BICD2: variants seen among roughly 807,000 people sequenced by gnomAD.
The protein encoded by BICD2 is BICD cargo adaptor 2, also known as protein bicaudal D homolog 2.
Under a neutral mutation model 72.9 loss-of-function variants are expected in BICD2, and 25 were observed. The ratio of observed to expected loss-of-function variants is 0.34; its 90% CI spans 0.25 to 0.48. The LOEUF (loss-of-function observed/expected upper bound fraction) is 0.48, where lower values mean the gene tolerates loss of function less well. Among genes scored for constraint, BICD2 ranks in the 20% least tolerant of loss-of-function variants. The probability of loss-of-function intolerance (pLI) is 0.99; values close to 1 mark genes in which losing one functional copy is unlikely to be tolerated. For missense variants in BICD2, 894 were observed against 1,175.2 expected, an observed-to-expected ratio of 0.76 and a Z score of 3.50; for synonymous variants, 501 against 516.1, an observed-to-expected ratio of 0.97 and a Z score of 0.40.
chr9:92,749,918 C>T (rs963579051), intron 1 of BICD2, among the ~76,000 whole-genome samples: 2 of 152,348 alleles, frequency 1.3e-5, no homozygotes, highest in Non-Finnish European at 2.9e-5. Flanking sequence ...CTGTTCCAAA[C>T]GAGGGGAGGA....
rs779298360 is a variant in BICD2, at chr9:92,729,067, G to A, written c.410C>T (p.Ser137Leu). The change falls in exon 2 of 7, where the codon TCG (serine) becomes TTG (leucine). Residue 137 changes from serine to leucine, a missense_variant. By Grantham distance (145) the Ser-to-Leu change is moderately radical. This residue lies in a region of BICD2 where 192 missense variants were observed against 243.6 expected (regional missense o/e 0.79). Coordinates refer to ENST00000356884, the MANE Select transcript of BICD2 (RefSeq NM_001003800.2). ...QLRNVLTNTQ[S>L]ENERLASVAQ... ...CACAGAGGCCAGGCGCTCATTCTCC[G>A]ACTGCGTGTTGGTGAGGACATTGCG... 8.1e-6 allele frequency: 13 copies of A among 1,614,054 alleles called. No homozygotes were observed. Among genetic ancestry groups the A allele is most frequent in the South Asian group, 3.3e-5 (3 of 91,078 alleles).
In BICD2 at chr9:92,751,363, C is replaced by T. The variant is rs545887208; in HGVS notation, c.240+13142G>A. Among the ~76,000 whole-genome samples, 7 of 152,252 alleles carry T rather than the reference C, an allele frequency of 4.6e-5. No homozygotes were observed. The South Asian group carries it at 1.5e-3, about 32-fold the overall frequency. On this transcript the variant is annotated intron_variant, in intron 1 of 6. Transcript: ENST00000356884. ...ACGGGTTTTCGTCATGTTGGCCAGG[C>T]TGGCTCCTGACCTCAGGTGATCTAT...
intron 1 of BICD2, among the ~76,000 whole-genome samples, chr9:92,759,594 T>C (rs1028546823): frequency 6.6e-6 from 1 of 152,170 alleles, no homozygotes; most frequent in Non-Finnish European, 1.5e-5. Context: ...AGGAGGCAGC[T>C]AGGCAGCCAC....
chr9:92,729,587 C>CCCCCACCTTCT (rs1264457621), intron 1 of BICD2, among the ~76,000 whole-genome samples: 1 of 152,214 alleles, frequency 6.6e-6, no homozygotes, highest in Non-Finnish European at 1.5e-5. Context: ...TCCCACACAG[C>CCCCCACCTTCT]CCCCACCTTC....
At chr9:92,722,954 A>G in intron 2 of BICD2, 146 bp from the exon 3 acceptor site, 4 of 984,500 alleles carry the variant, frequency 4.1e-6, no homozygotes, top group Non-Finnish European at 6.0e-6. Context: ...CCTGGAGAGG[A>G]GAGGGAGCCC....
At chr9:92,735,011 C>A (rs1422242524) in intron 1 of BICD2, among the ~76,000 whole-genome samples, 1 of 152,214 alleles carries the variant, frequency 6.6e-6, no homozygotes, top group Non-Finnish European at 1.5e-5. Context: ...TTGGTGATAA[C>A]CCCCAAGGGG....
chr9:92,729,928 A>G (rs536112657), intron 1 of BICD2, among the ~76,000 whole-genome samples: 3 of 152,332 alleles, frequency 2.0e-5, no homozygotes, highest in Admixed American at 1.3e-4. Flanking sequence ...GATCAACCAG[A>G]AAGGGGTGCT....
chr9:92,724,336 A>G (rs1231680407), intron 2 of BICD2, among the ~76,000 whole-genome samples: 1 of 152,258 alleles, frequency 6.6e-6, no homozygotes, highest in Non-Finnish European at 1.5e-5. Context: ...CATACTGGCA[A>G]AATGAAATAG....
Position 92,714,714 on chromosome 9 carries a change from A to T in BICD2, c.*440T>A, listed in dbSNP as rs957529028. The stretch of plus-strand genomic sequence containing the variant: ...AGGTCGTACCTATGCTGCAGGCTGG[A>T]ACCTCCTAAAACTGCTTTCTAGTGC... On this transcript the variant is annotated 3_prime_UTR_variant, in exon 7 of 7. Coordinates refer to ENST00000356884, the MANE Select transcript of BICD2 (RefSeq NM_001003800.2). 3 of 994,084 alleles carry T rather than the reference A, an allele frequency of 3.0e-6. No individual in the cohort carries two copies. Among genetic ancestry groups the T allele is most frequent in the Non-Finnish European group, 3.6e-6 (3 of 836,136 alleles). 61.6% of individuals were successfully genotyped at this position (994,084 alleles called of 1,614,324 possible). A position where few individuals can be genotyped will look rare whatever the true frequency, so the allele number is the denominator to read the frequency against.
rs146113445 is a variant in BICD2, at chr9:92,719,168, G to A, written c.1477C>T (p.Arg493Cys). Residue 493 changes from arginine to cysteine, a missense_variant, in exon 5 of 7, where the codon CGC becomes TGC. Coordinates refer to ENST00000356884, the MANE Select transcript of BICD2 (RefSeq NM_001003800.2). ...CGGGCCAGCAGCTCGCGGTCCTGGC[G>A]GCTGGCCTTCTCTAGCAGGGAGACC... ...EKVSLLEKASRQDRELLARLE... is the reference protein window; with the variant it reads ...EKVSLLEKASCQDRELLARLE... 3.6e-5 allele frequency: 58 copies of A among 1,611,002 alleles called. No homozygotes were observed. The highest frequency in any genetic ancestry group is 1.6e-4 in the Middle Eastern group (1 of 6,082).
Position 92,720,488 on chromosome 9 carries a change from G to A in BICD2, c.874C>T (p.Pro292Ser). 1.2e-6 allele frequency: 2 copies of A among 1,614,242 alleles called. No individual in the cohort carries two copies. The highest frequency in any genetic ancestry group is 1.7e-6 in the Non-Finnish European group (2 of 1,180,038). ...ACCAGGGCCTCGGCATCGTTGTTGG[G>A]CTCGGCAGCATCGTCACTGAACTTG... ...GLKFSDDAAE[P>S]NNDAEALVNG... Residue 292 changes from proline (P) to serine (S), a missense_variant, in exon 4 of 7, where the codon CCC (proline) becomes TCC (serine). This residue lies in a region of BICD2 where 371 missense variants were observed against 439.1 expected (regional missense o/e 0.84). Transcript: ENST00000356884. The surrounding 1 kb of genome is among the most constrained non-coding windows in gnomAD (Gnocchi z 5.4).
chr9:92,745,802 C>CAAGA (rs796621797), intron 1 of BICD2, among the ~76,000 whole-genome samples: 35 of 152,328 alleles, frequency 2.3e-4, no homozygotes, highest in African/African-American at 8.2e-4. Context: ...GAAGAGAAAG[C>CAAGA]AAGAAAGAGA....
rs116597192 is a variant in BICD2 at position 92,761,522 on chromosome 9, A to C, written c.240+2983T>G. On this transcript the variant is annotated intron_variant, in intron 1 of 6. Transcript: ENST00000356884. ...TCTGAGCCTGAGCTCAGGTGGAGTC[A>C]AGACTGTTCTCAGACCTCCCCCATT... Among the ~76,000 whole-genome samples, 1,203 of 152,306 alleles carry C rather than the reference A, an allele frequency of 7.9e-3. 20 individuals carry two copies. Among genetic ancestry groups the C allele is most frequent in the African/African-American group, 0.027 (1,124 of 41,578 alleles).
chr9:92,716,644 T>A (rs1426292329), intron 6 of BICD2, among the ~76,000 whole-genome samples: 1 of 152,252 alleles, frequency 6.6e-6, no homozygotes. Context: ...CATGCAGGGC[T>A]GACCCCATGG....
chr9:92,718,163 C>T (rs2131499063), intron 5 of BICD2, among the ~76,000 whole-genome samples: 1 of 152,326 alleles, frequency 6.6e-6, no homozygotes, highest in Non-Finnish European at 1.5e-5. Flanking sequence ...AGAGGAGGGA[C>T]TGCCCCTAAA....
rs755577434 is a variant in BICD2 at position 92,715,222 on chromosome 9, T to C, written c.2500A>G (p.Arg834Gly). The C allele has an allele frequency of 5.6e-6, 9 of 1,612,996 alleles. No homozygotes were observed. The highest frequency in any genetic ancestry group is 2.7e-5 in the African/African-American group (2 of 74,956). Residue 834 changes from arginine (R) to glycine (G), a missense_variant, in exon 7 of 7, where the codon AGG becomes GGG. Arg to Gly is a moderately radical substitution (Grantham distance 125, BLOSUM62 -2). Coordinates refer to ENST00000356884, the MANE Select transcript of BICD2 (RefSeq NM_001003800.2). The part of the protein sequence containing the change: ...VSHTCACASD[R>G]AEGTGLANQV... Reference sequence around the variant, plus strand: ...TTGGCCAGCCCGGTGCCCTCGGCCCTGTCGCTGGCACAGGCACAGGTGTGA... The same window carrying C: ...TTGGCCAGCCCGGTGCCCTCGGCCCCGTCGCTGGCACAGGCACAGGTGTGA...
intron 3 of BICD2, among the ~76,000 whole-genome samples, chr9:92,722,360 T>A (rs751665765): frequency 6.6e-6 from 1 of 152,206 alleles, no homozygotes; most frequent in Non-Finnish European, 1.5e-5. Flanking sequence ...AAGTCCAATC[T>A]GGGGTTTTCT....
At chr9:92,739,791 C>T (rs762563129) in intron 1 of BICD2, among the ~76,000 whole-genome samples, 4 of 152,108 alleles carry the variant, frequency 2.6e-5, no homozygotes, top group Non-Finnish European at 4.4e-5. Flanking sequence ...CAGGTGTTTC[C>T]GAGGCCTTAA....
chr9:92,728,122 C>T (rs914796784), intron 2 of BICD2, among the ~76,000 whole-genome samples: 1 of 152,182 alleles, frequency 6.6e-6, no homozygotes, highest in Admixed American at 6.5e-5. Flanking sequence ...TCCTGGCTCT[C>T]CTCCTCCTGC....
Sources: allele counts gnomAD v4.1 joint callset (sites outside exome capture counted in the v4.1 genomes callset), GRCh38; gene constraint gnomAD v4.1.1; regional missense constraint gnomAD v4.1.1; non-coding constraint Gnocchi (gnomAD v3.1); transcripts MANE v1.5; gene names NCBI Gene and HGNC (gene_info 2026-07-23, HGNC 2026-07-21).